LPA: variants seen among roughly 807,000 people sequenced by gnomAD.
LPA encodes apolipoprotein(a).
Under a neutral mutation model 197.9 loss-of-function variants are expected in LPA, and 199 were observed. The observed-to-expected ratio is 1.01, with a 90% confidence interval of 0.90 to 1.13. The LOEUF is 1.13. LPA is among the 50% of genes most tolerant of loss of function. The probability of loss-of-function intolerance (pLI) is 0.00; values close to 1 mark genes in which losing one functional copy is unlikely to be tolerated. For synonymous variants in LPA, 715 were observed against 639.5 expected (o/e 1.12, Z -1.78); for missense variants, 1,853 against 1,785.8 (o/e 1.04, Z -0.68).
chr6:160,543,286 A>G (rs945711142), intron 33 of LPA, among the ~76,000 whole-genome samples: 3 of 152,118 alleles, frequency 2.0e-5, no homozygotes, highest in Non-Finnish European at 2.9e-5. Context: ...CAGCAAGCCC[A>G]CAAGGTCTCT....
At chr6:160,656,918 A>G (rs1780142473) in intron 1 of LPA, among the ~76,000 whole-genome samples, 1 of 152,208 alleles carries the variant, frequency 6.6e-6, no homozygotes, top group African/African-American at 2.4e-5. Flanking sequence ...CACTTCTAGG[A>G]ACACCATGAT....
chr6:160,660,178 T>C (rs1382233670), intron 1 of LPA, among the ~76,000 whole-genome samples: 2 of 152,204 alleles, frequency 1.3e-5, no homozygotes, highest in Non-Finnish European at 2.9e-5. Flanking sequence ...CTCAGATGTA[T>C]ACTAACTGCA....
chr6:160,583,636 T>A (rs577112345), intron 26 of LPA, among the ~76,000 whole-genome samples: 1 of 152,312 alleles, frequency 6.6e-6, no homozygotes, highest in African/African-American at 2.4e-5. Context: ...GGAAACTCTT[T>A]CTGTGCATAC....
chr6:160,611,538 T>C (rs1779520331), intron 16 of LPA, 24 bp downstream of exon 16: 2 of 1,607,094 alleles, frequency 1.2e-6, no homozygotes, highest in South Asian at 2.2e-5. Context: ...CTTTATTCTC[T>C]TATGGTAAAG....
intron 18 of LPA, 66 bp downstream of exon 18, chr6:160,604,980 C>T (rs1386389736): frequency 5.0e-6 from 8 of 1,604,398 alleles, no homozygotes; most frequent in Non-Finnish European, 6.8e-6. Context: ...CAGCTTGAAG[C>T]ATGACTCTAC....
intron 12 of LPA, among the ~76,000 whole-genome samples, chr6:160,620,688 C>A (rs1779605073): frequency 3.0e-5 from 3 of 100,802 alleles, no homozygotes; most frequent in East Asian, 2.9e-4. Flanking sequence ...GAAAAGTTAT[C>A]AGCCATCCTT....
chr6:160,646,598 C>G (rs1441936069), intron 2 of LPA, among the ~76,000 whole-genome samples: 6 of 84,926 alleles, frequency 7.1e-5, no homozygotes, highest in African/African-American at 1.5e-4. Context: ...TAGATTATTA[C>G]TATTTTTTTT....
chr6:160,582,895 A>G (rs1013170468), intron 26 of LPA, among the ~76,000 whole-genome samples: 3 of 152,108 alleles, frequency 2.0e-5, no homozygotes, highest in Non-Finnish European at 1.5e-5. Flanking sequence ...GGCTTTGTAT[A>G]AGCGTGCTAT....
chr6:160,663,930 T>C (rs971095965), intron 1 of LPA, among the ~76,000 whole-genome samples: 3 of 152,220 alleles, frequency 2.0e-5, no homozygotes, highest in Non-Finnish European at 2.9e-5. Flanking sequence ...CACACTCTTT[T>C]AGATTAGAAA....
In LPA at chr6:160,547,871, C is replaced by T. The variant is rs540551023; in HGVS notation, c.5222G>A (p.Cys1741Tyr). ...GGGCTCCTGGGCAGCCCATTCCTGG[C>T]ATGGCGTCCCAGTAACAGTGGTTGC... is the stretch of plus-strand genomic sequence containing the variant. ...KKATTVTGTP[C>Y]QEWAAQEPHR... The change falls in exon 32 of 39, where the codon TGC (cysteine) becomes TAC (tyrosine). Residue 1741 changes from cysteine to tyrosine, a missense_variant. By Grantham distance (194) the Cys-to-Tyr change is radical. This residue lies in a region of LPA where 1,737 missense variants were observed against 1,504.4 expected (regional missense o/e 1.15). Coordinates refer to ENST00000316300, the MANE Select transcript of LPA (RefSeq NM_005577.4). 6.2e-6 allele frequency: 10 copies of T among 1,614,122 alleles called. No homozygotes were observed. The African/African-American group carries it at 6.7e-5, about 11-fold the overall frequency.
rs1780071513 is a variant in LPA, at chr6:160,654,022, TATATAATATATATTATATATAATATATA to T, written c.50-3553_50-3526del. Among the ~76,000 whole-genome samples the T allele has an allele frequency of 1.4e-3, 10 of 7,098 alleles. 1 individual carries two copies. The highest frequency in any genetic ancestry group is 3.1e-3 in the African/African-American group (5 of 1,618). 4.7% of individuals were successfully genotyped at this position (7,098 alleles called of 152,430 possible). Reference sequence around the variant, plus strand: ...TATATATAATATATATTATATATAATATATAATATATATTATATATAATATATAATATATTATATATATTATATATAAT... The same window carrying T: ...TATATATAATATATATTATATATAATATATATTATATATATTATATATAAT... On this transcript the variant is annotated intron_variant, in intron 1 of 38. Coordinates refer to ENST00000316300, the MANE Select transcript of LPA (RefSeq NM_005577.4).
chr6:160,600,173 G>A (rs557266222), intron 19 of LPA, among the ~76,000 whole-genome samples: 2 of 152,288 alleles, frequency 1.3e-5, no homozygotes, highest in South Asian at 2.1e-4. Context: ...AAAACTGTAG[G>A]CAACAACACT....
In LPA at chr6:160,586,581, A is replaced by T. The variant is rs1292098440; in HGVS notation, c.3997T>A (p.Trp1333Arg). 3.7e-6 allele frequency: 6 copies of T among 1,613,678 alleles called. No individual in the cohort carries two copies. The Admixed American group carries it at 8.3e-5, about 22-fold the overall frequency. The change falls in exon 25 of 39, where the codon TGG becomes AGG. Residue 1333 changes from tryptophan (W) to arginine (R), a missense_variant. Transcript: ENST00000316300. ...CRNPDAEIRPWCYTMDPSVRW... is the reference protein window; with the variant it reads ...CRNPDAEIRPRCYTMDPSVRW... ...ACACTGGGATCCATGGTATAACACCAAGGGCGAATCTCAGCATCTGGATTC... is the reference window on the plus strand; with the variant it reads ...ACACTGGGATCCATGGTATAACACCTAGGGCGAATCTCAGCATCTGGATTC...
intron 22 of LPA, among the ~76,000 whole-genome samples, chr6:160,591,617 T>C (rs1314311435): frequency 1.7e-4 from 26 of 152,220 alleles, no homozygotes; most frequent in Admixed American, 1.7e-3. Context: ...TGATATCTTC[T>C]TGTCAGCTTT....
At chr6:160,604,922 C>A in intron 18 of LPA, 124 bp downstream of exon 18, 1 of 1,434,544 alleles carries the variant, frequency 7.0e-7, no homozygotes, top group East Asian at 2.3e-5. Context: ...GTTCCTGAGA[C>A]ATTTTGCTAT....
At chr6:160,663,298 T>C (rs1780256403) in intron 1 of LPA, among the ~76,000 whole-genome samples, 1 of 152,238 alleles carries the variant, frequency 6.6e-6, no homozygotes, top group Non-Finnish European at 1.5e-5. Context: ...GGAACAAAGA[T>C]GAAAAAGTGA....
chr6:160,607,859 C>A (rs767763540), intron 16 of LPA, among the ~76,000 whole-genome samples: 1 of 152,092 alleles, frequency 6.6e-6, no homozygotes, highest in Non-Finnish European at 1.5e-5. Context: ...TCTTATTATA[C>A]AATATACCTC....
chr6:160,606,313 C>G (rs62441702), intron 17 of LPA, among the ~76,000 whole-genome samples, 164 bp downstream of exon 17: 1 of 152,164 alleles, frequency 6.6e-6, no homozygotes, highest in Non-Finnish European at 1.5e-5. Context: ...GAAATCAATC[C>G]GCTGGCTCCC....
rs1249080220 is a variant in LPA at position 160,577,196 on chromosome 6, T to C, written c.4571A>G (p.Gln1524Arg). The C allele has an allele frequency of 6.2e-7, 1 of 1,613,964 alleles. No individual in the cohort carries two copies. The highest frequency in any genetic ancestry group is 1.7e-5 in the Admixed American group (1 of 60,022). ...GTGTGGTATCATAGATGACCAAGAT[T>C]GACAGGTCCTTCCTGTGACAGTGGT... ...SSTTVTGRTC[Q>R]SWSSMIPHWH... The change falls in exon 28 of 39, where the codon CAA becomes CGA. Residue 1524 changes from glutamine to arginine, a missense_variant. Gln to Arg is a conservative substitution (Grantham distance 43). Transcript: ENST00000316300.
Sources: gnomAD v4.1 joint callset for allele counts (sites outside exome capture counted in the v4.1 genomes callset) on GRCh38, gnomAD v4.1.1 for gene constraint, gnomAD v4.1.1 regional missense constraint, MANE v1.5 for transcripts, NCBI Gene and HGNC (gene_info 2026-07-23, HGNC 2026-07-21) for gene names.